The following DIP2A variants were observed in gnomAD, a reference collection of about 807,000 sequenced individuals.
DIP2A encodes the protein disco-interacting protein 2 homolog A.
Under a neutral mutation model 177.4 loss-of-function variants are expected in DIP2A, and 85 were observed. The ratio of observed to expected loss-of-function variants is 0.48; its 90% CI spans 0.40 to 0.57. The LOEUF (loss-of-function observed/expected upper bound fraction) is 0.57. Ranked by LOEUF, DIP2A falls within the 20% of genes least tolerant of loss-of-function variation. The pLI is 0.00. For synonymous variants in DIP2A, 886 were observed against 881.8 expected (o/e 1.00, Z -0.08); for missense variants, 1,791 against 2,100.2 (o/e 0.85, Z 2.88).
chr21:46,546,663 C>T lies in DIP2A; in HGVS notation c.2395-252C>T, dbSNP rs567207064. ...CCCACTTTCTTTCACATAGCCTGCC[C>T]CTTTCCCATGTTGCCTCCCTTCCTG... On this transcript the variant is annotated intron_variant, in intron 20 of 37. Transcript: ENST00000417564. 2.3e-3 allele frequency among the ~76,000 whole-genome samples: 344 copies of T among 152,288 alleles called. 2 individuals carry two copies. Among genetic ancestry groups the T allele is most frequent in the African/African-American group, 7.5e-3 (313 of 41,582 alleles).
In DIP2A at chr21:46,554,715, C is replaced by T. The variant is rs558366980; in HGVS notation, c.3276+19C>T. On this transcript the variant is annotated intron_variant, in intron 27 of 37. Coordinates refer to ENST00000417564, the MANE Select transcript of DIP2A (RefSeq NM_015151.4). The stretch of plus-strand genomic sequence containing the variant: ...CGTGGAGGTGCGCCTACCTGGCCCG[C>T]GGGTCAGAGTCTGTGAGTGGGAGGC... The T allele has an allele frequency of 7.7e-6, 12 of 1,556,364 alleles. 1 individual carries two copies. The highest frequency in any genetic ancestry group is 1.7e-4 in the Middle Eastern group (1 of 5,954).
rs578100134 is a variant in DIP2A at position 46,547,148 on chromosome 21, C to G, written c.2522+106C>G. The G allele has an allele frequency of 1.1e-5, 17 of 1,487,510 alleles. No individual in the cohort carries two copies. The African/African-American group carries it at 1.5e-4, about 13-fold the overall frequency. The allele number at this position is 1,487,510 out of a possible 1,614,324, so 92.1% of individuals were successfully genotyped here. On this transcript the variant is annotated intron_variant, in intron 21 of 37. Transcript: ENST00000417564. ...CCCAGCAAACTTGAATTCACAAAGC[C>G]TAAAAATTGTTGTACATCAGAAAAC...
At position 46,558,341 on chromosome 21, in the gene DIP2A, G is replaced by T. The variant is rs775840397; in HGVS notation, c.3917G>T (p.Arg1306Leu). The change falls in exon 32 of 38, where the codon CGC becomes CTC. Residue 1306 changes from arginine to leucine, a missense_variant. Physicochemically the swap from Arg to Leu is moderately radical, Grantham distance 102 (BLOSUM62 -2). Coordinates refer to ENST00000417564, the MANE Select transcript of DIP2A (RefSeq NM_015151.4). Reference protein sequence around the residue: ...KLFKDLGLPARAVSTTFGCRV... With the variant: ...KLFKDLGLPALAVSTTFGCRV... ...TTCAAGGACCTGGGCCTGCCGGCCC[G>T]CGCCGTAAGCACCACGTTCGGGTGC... is the stretch of plus-strand genomic sequence containing the variant. The T allele has an allele frequency of 1.9e-6, 3 of 1,607,302 alleles. No individual in the cohort carries two copies. Among genetic ancestry groups the T allele is most frequent in the Non-Finnish European group, 8.5e-7 (1 of 1,177,790 alleles).
chr21:46,467,255 C>T (rs1042664889), intron 1 of DIP2A, among the ~76,000 whole-genome samples: 1 of 147,848 alleles, frequency 6.8e-6, no homozygotes, highest in Non-Finnish European at 1.5e-5. Flanking sequence ...GATATCGCAC[C>T]GCTGCACTCC....
chr21:46,506,724 T>TTGTTTTC, intron 6 of DIP2A, among the ~76,000 whole-genome samples: 2 of 78,938 alleles, frequency 2.5e-5, no homozygotes, highest in East Asian at 8.8e-4. Flanking sequence ...TTGTGCTTGT[T>TTGTTTTC]TTTCTTTCTT....
chr21:46,514,342 A>C (rs1184674120), intron 8 of DIP2A, among the ~76,000 whole-genome samples: 1 of 151,950 alleles, frequency 6.6e-6, no homozygotes, highest in South Asian at 2.1e-4. Flanking sequence ...AGGCTGAGGC[A>C]GGAGAACGGC....
At chr21:46,496,598 T>C (rs2057374397) in intron 3 of DIP2A, among the ~76,000 whole-genome samples, 1 of 152,196 alleles carries the variant, frequency 6.6e-6, no homozygotes, top group South Asian at 2.1e-4. Flanking sequence ...AATCTCATAA[T>C]GTTTTAAGAA....
chr21:46,465,108 T>C (rs2054694342), intron 1 of DIP2A, among the ~76,000 whole-genome samples: 1 of 152,176 alleles, frequency 6.6e-6, no homozygotes, highest in South Asian at 2.1e-4. Context: ...CACCCTCTTA[T>C]TTTGAACCTT....
At chr21:46,520,541 T>C (rs1240021486) in intron 8 of DIP2A, among the ~76,000 whole-genome samples, 1 of 152,204 alleles carries the variant, frequency 6.6e-6, no homozygotes, top group Non-Finnish European at 1.5e-5. Flanking sequence ...AAACCTGCAT[T>C]CAAAAACACC....
At position 46,534,647 on chromosome 21, in the gene DIP2A, A is replaced by G; in HGVS notation, c.1602A>G (p.Ala534=). The G allele has an allele frequency of 6.2e-7, 1 of 1,612,312 alleles. No homozygotes were observed. The highest frequency in any genetic ancestry group is 2.2e-5 in the East Asian group (1 of 44,862). Residue 534 remains alanine, a synonymous_variant, in exon 13 of 38, where the codon GCA becomes GCG. Coordinates refer to ENST00000417564, the MANE Select transcript of DIP2A (RefSeq NM_015151.4). The part of the protein sequence containing the change: ...GVTVSHASLL[A]QCRALTQACG... ...CAGTGTCCCACGCATCCCTGCTGGC[A>G]CAGTGCCGGGCTCTGACCCAGGCGT...
At chr21:46,493,710 T>C (rs2057151407) in intron 3 of DIP2A, among the ~76,000 whole-genome samples, 1 of 152,216 alleles carries the variant, frequency 6.6e-6, no homozygotes, top group African/African-American at 2.4e-5. Context: ...ATTTCCTTTA[T>C]CATATGTCTA....
In DIP2A at chr21:46,496,975, C is replaced by T; in HGVS notation, c.284-13C>T. 1 of 1,601,784 alleles carries T rather than the reference C, an allele frequency of 6.2e-7. No homozygotes were observed. Among genetic ancestry groups the T allele is most frequent in the South Asian group, 1.1e-5 (1 of 88,340 alleles). Reference sequence around the variant, plus strand: ...TTGTAAAAAGTATTTTTACTGCTGTCCTTCCTGTGTAGATGTCCACACTGA... The same window carrying T: ...TTGTAAAAAGTATTTTTACTGCTGTTCTTCCTGTGTAGATGTCCACACTGA... On this transcript the variant is annotated splice_polypyrimidine_tract_variant and intron_variant, in intron 3 of 37. Coordinates refer to ENST00000417564, the MANE Select transcript of DIP2A (RefSeq NM_015151.4).
intron 2 of DIP2A, among the ~76,000 whole-genome samples, chr21:46,485,495 A>G (rs931464205): frequency 6.6e-6 from 1 of 152,158 alleles, no homozygotes; most frequent in Non-Finnish European, 1.5e-5. Context: ...TTATCCATAT[A>G]TGAAACACAT....
At chr21:46,505,470 G>A (rs1301441156) in intron 6 of DIP2A, among the ~76,000 whole-genome samples, 11 of 152,132 alleles carry the variant, frequency 7.2e-5, no homozygotes. Context: ...TTAGCCGAGT[G>A]TGGTGGCGGG....
At chr21:46,573,171 A>G (rs2060978407), downstream of DIP2A, among the ~76,000 whole-genome samples, 2 of 152,316 alleles carry the variant, frequency 1.3e-5, no homozygotes, top group South Asian at 4.1e-4. Context: ...AATACAAGAA[A>G]TGAAAGAGAT....
intron 1 of DIP2A, among the ~76,000 whole-genome samples, chr21:46,470,462 G>A (rs2148315501): frequency 1.5e-5 from 2 of 136,420 alleles, no homozygotes; most frequent in Admixed American, 1.5e-4. Flanking sequence ...CAACAAGAGC[G>A]AAGCTCCGTC....
At chr21:46,509,522 A>G (rs972904569) in intron 7 of DIP2A, 146 bp downstream of exon 7, 2 of 1,026,518 alleles carry the variant, frequency 1.9e-6, no homozygotes, top group Non-Finnish European at 2.5e-6. Flanking sequence ...GTAATGGTGA[A>G]TTTAGAATCA....
Position 46,538,397 on chromosome 21 carries a change from T to A in DIP2A, c.1802-86T>A. 1.3e-6 allele frequency: 2 copies of A among 1,483,926 alleles called. 1 individual carries two copies. Among genetic ancestry groups the A allele is most frequent in the South Asian group, 2.6e-5 (2 of 75,860 alleles). The allele number at this position is 1,483,926 out of a possible 1,614,324, so 91.9% of individuals were successfully genotyped here. A position where few individuals can be genotyped will look rare whatever the true frequency, so the allele number is the denominator to read the frequency against. On this transcript the variant is annotated intron_variant, in intron 15 of 37. Coordinates refer to ENST00000417564, the MANE Select transcript of DIP2A (RefSeq NM_015151.4). ...GTCTGTCTGTGCATGTACACCTCTC[T>A]GTGGGATGAGGTACACGTGTCTGTA...
Position 46,554,907 on chromosome 21 carries a change from G to C in DIP2A, c.3362G>C (p.Arg1121Thr), listed in dbSNP as rs1250967557. ...GAGGCTGCTGCTGCCGTGGACATCAGGACCTGGCCCACCATCCTAGACACA... is the reference window on the plus strand; with the variant it reads ...GAGGCTGCTGCTGCCGTGGACATCACGACCTGGCCCACCATCCTAGACACA... ...SKEAAAAVDI[R>T]TWPTILDTDD... The change falls in exon 28 of 38, where the codon AGG (arginine) becomes ACG (threonine). Residue 1121 changes from arginine (R) to threonine (T), a missense_variant. Arg to Thr is a moderately conservative substitution (Grantham distance 71). Transcript: ENST00000417564. 1 of 1,552,336 alleles carries C rather than the reference G, an allele frequency of 6.4e-7. No individual in the cohort carries two copies. Among genetic ancestry groups the C allele is most frequent in the Non-Finnish European group, 8.7e-7 (1 of 1,148,152 alleles).
Sources: gnomAD v4.1 joint callset for allele counts (sites outside exome capture counted in the v4.1 genomes callset) on GRCh38, gnomAD v4.1.1 for gene constraint, MANE v1.5 for transcripts, NCBI Gene and HGNC (gene_info 2026-07-23, HGNC 2026-07-21) for gene names.